Variants in MEIS2 observed in about 807,000 individuals in gnomAD.
MEIS2 encodes Meis homeobox 2, also known as homeobox protein Meis2.
MEIS2 carries 9 observed loss-of-function variants against 58.6 expected under a neutral mutation model. That is an observed-to-expected ratio of 0.15 (90% confidence interval 0.09 to 0.27). The LOEUF (loss-of-function observed/expected upper bound fraction) is 0.27. MEIS2 is among the 10% of genes least tolerant of loss of function. MEIS2 has a pLI of 1.00. For synonymous variants in MEIS2, 221 were observed against 228.4 expected (o/e 0.97, Z 0.29); for missense variants, 427 against 635.0 (o/e 0.67, Z 3.52).
intron 9 of MEIS2, among the ~76,000 whole-genome samples, chr15:36,943,375 C>G (rs553665607): frequency 3.5e-4 from 54 of 152,192 alleles, no homozygotes; most frequent in Non-Finnish European, 6.8e-4. Flanking sequence ...TAACACAGGA[C>G]TTGTCTGGAG....
chr15:37,000,088 A>G (rs529562638), intron 8 of MEIS2, among the ~76,000 whole-genome samples: 2 of 152,212 alleles, frequency 1.3e-5, no homozygotes, highest in East Asian at 3.9e-4. Context: ...GGAGAAAACA[A>G]AAGAGCAAAT....
At chr15:37,043,680 C>CTTTTT (rs35502089) in intron 7 of MEIS2, among the ~76,000 whole-genome samples, 9 of 112,954 alleles carry the variant, frequency 8.0e-5, no homozygotes, top group Admixed American at 9.4e-5. Flanking sequence ...CCGTCCCCTC[C>CTTTTT]TTTTTTTTTT....
At chr15:36,942,152 G>C (rs1177711281) in intron 9 of MEIS2, among the ~76,000 whole-genome samples, 2 of 152,112 alleles carry the variant, frequency 1.3e-5, no homozygotes, top group Admixed American at 6.5e-5. Flanking sequence ...ATGAGGGCTG[G>C]GAGTTAGCTG....
At chr15:36,991,039 C>G (rs889073106) in intron 8 of MEIS2, among the ~76,000 whole-genome samples, 1 of 152,092 alleles carries the variant, frequency 6.6e-6, no homozygotes, top group East Asian at 1.9e-4. Context: ...AAGCTCTGAG[C>G]TTTCCCTTCA....
chr15:37,095,760 T>G, intron 3 of MEIS2, 146 bp from the exon 4 acceptor site: 2 of 1,149,532 alleles, frequency 1.7e-6, no homozygotes, highest in Non-Finnish European at 2.5e-6. Context: ...TGCCTTAAAT[T>G]AGTGGAGTCC....
chr15:36,996,056 T>TAC (rs1247365782), intron 8 of MEIS2, among the ~76,000 whole-genome samples: 4 of 101,028 alleles, frequency 4.0e-5, no homozygotes, highest in South Asian at 4.1e-4. Flanking sequence ...CATATATATA[T>TAC]ACACACACAT....
intron 7 of MEIS2, among the ~76,000 whole-genome samples, chr15:37,051,439 C>T (rs1329051663): frequency 6.6e-6 from 1 of 152,080 alleles, no homozygotes; most frequent in Non-Finnish European, 1.5e-5. Flanking sequence ...AAAAGCAGAT[C>T]AGTGGTTACT....
chr15:36,916,670 C>T (rs754363253), intron 9 of MEIS2, among the ~76,000 whole-genome samples: 8 of 152,106 alleles, frequency 5.3e-5, no homozygotes, highest in Non-Finnish European at 7.4e-5. Flanking sequence ...TGGCCTCAAG[C>T]AATCCTCCCA....
chr15:36,986,945 T>G (rs74008821), intron 8 of MEIS2, among the ~76,000 whole-genome samples: 2,121 of 152,274 alleles, frequency 0.014, 57 homozygotes, highest in African/African-American at 0.048. Context: ...GCATAAACAT[T>G]TCAGGAAGCC....
intron 8 of MEIS2, among the ~76,000 whole-genome samples, chr15:36,968,071 T>C (rs1194774): frequency 0.045 from 6,831 of 152,084 alleles, 522 homozygotes; most frequent in African/African-American, 0.16. Context: ...CCTCAGAGAA[T>C]AGCCTGAACT....
At chr15:37,076,647 T>A (rs1891462794) in intron 7 of MEIS2, among the ~76,000 whole-genome samples, 1 of 152,060 alleles carries the variant, frequency 6.6e-6, no homozygotes, top group Admixed American at 6.6e-5. Flanking sequence ...TTTTGAGAAT[T>A]TTTTCTTTTC....
chr15:37,078,578 A>G (rs1007577699), intron 7 of MEIS2, among the ~76,000 whole-genome samples: 4 of 147,146 alleles, frequency 2.7e-5, no homozygotes, highest in Non-Finnish European at 6.0e-5. Flanking sequence ...TTTTGGAAGG[A>G]AAAAAGGATT....
At chr15:37,026,363 A>G (rs1373235328) in intron 8 of MEIS2, among the ~76,000 whole-genome samples, 1 of 152,172 alleles carries the variant, frequency 6.6e-6, no homozygotes, top group African/African-American at 2.4e-5. Flanking sequence ...CCATTTTCCA[A>G]TTCTAGTGTG....
intron 9 of MEIS2, among the ~76,000 whole-genome samples, chr15:36,915,375 C>T (rs2057231067): frequency 6.6e-6 from 1 of 152,148 alleles, no homozygotes; most frequent in Non-Finnish European, 1.5e-5. Flanking sequence ...AGCTCTCTAC[C>T]TTGCTGATTT....
intron 8 of MEIS2, among the ~76,000 whole-genome samples, chr15:36,968,460 G>A (rs2059426214): frequency 1.3e-5 from 2 of 152,176 alleles, no homozygotes; most frequent in African/African-American, 4.8e-5. Context: ...GAGAAGCTGT[G>A]TTGAGAGCTG....
chr15:37,056,566 A>G lies in MEIS2; in HGVS notation c.755-19607T>C, dbSNP rs141374453. Among the ~76,000 whole-genome samples, 364 of 152,308 alleles carry G rather than the reference A, an allele frequency of 2.4e-3. 1 individual carries two copies. Among genetic ancestry groups the G allele is most frequent in the Non-Finnish European group, 3.8e-3 (258 of 68,024 alleles). ...GCACCGGCTCGGCAGCCCCCGCCAG[A>G]AAGTTTTCGAAACATGTCCCGGAGG... On this transcript the variant is annotated intron_variant, in intron 7 of 11. Transcript: ENST00000561208.
chr15:37,019,649 G>A (rs535473112), intron 8 of MEIS2, among the ~76,000 whole-genome samples: 8 of 152,284 alleles, frequency 5.3e-5, no homozygotes, highest in Admixed American at 1.3e-4. Flanking sequence ...CATGCATATG[G>A]CCCGTAGAGG....
chr15:36,923,590 T>C (rs970565185), intron 9 of MEIS2, among the ~76,000 whole-genome samples: 2 of 152,188 alleles, frequency 1.3e-5, no homozygotes, highest in Non-Finnish European at 1.5e-5. Flanking sequence ...TCACAGAAAC[T>C]GGTAGATCAC....
chr15:36,957,056 C>T (rs531745648), intron 8 of MEIS2, among the ~76,000 whole-genome samples: 26 of 152,186 alleles, frequency 1.7e-4, no homozygotes, highest in Admixed American at 9.2e-4. Flanking sequence ...AAAAGTTTAT[C>T]AGAGTAGTGA....
Sources: gnomAD v4.1 joint callset for allele counts (sites outside exome capture counted in the v4.1 genomes callset) on GRCh38, gnomAD v4.1.1 for gene constraint, MANE v1.5 for transcripts, NCBI Gene and HGNC (gene_info 2026-07-23, HGNC 2026-07-21) for gene names.